LRP1B: variants seen among roughly 807,000 people sequenced by gnomAD.
LRP1B encodes LDL receptor related protein 1B, also known as low-density lipoprotein receptor-related protein 1B.
LRP1B carries 217 observed loss-of-function variants against 556.6 expected under a neutral mutation model. That is an observed-to-expected ratio of 0.39 (90% CI 0.35 to 0.44). The LOEUF (loss-of-function observed/expected upper bound fraction) is 0.44. Ranked by LOEUF, LRP1B falls within the 20% of genes least tolerant of loss-of-function variation. LRP1B has a pLI of 1.00. For synonymous variants in LRP1B, 2,047 were observed against 1,865.8 expected (o/e 1.10, Z -2.50); for missense variants, 5,053 against 5,620.8 (o/e 0.90, Z 3.23).
intron 2 of LRP1B, among the ~76,000 whole-genome samples, chr2:141,717,299 T>C (rs184562921): frequency 1.1e-4 from 16 of 152,332 alleles, no homozygotes; most frequent in African/African-American, 3.1e-4. Context: ...AAGTCAAATG[T>C]GATGGGTAAT....
chr2:141,026,629 C>T (rs1003292906), intron 11 of LRP1B, among the ~76,000 whole-genome samples: 1 of 152,056 alleles, frequency 6.6e-6, no homozygotes, highest in East Asian at 1.9e-4. Context: ...AAAGGCTAGA[C>T]AAATGCCTGT....
intron 43 of LRP1B, among the ~76,000 whole-genome samples, chr2:140,544,146 G>A (rs1032873736): frequency 2.6e-4 from 39 of 151,472 alleles, no homozygotes; most frequent in African/African-American, 9.4e-4. Flanking sequence ...TAAGTTCAGG[G>A]GTATATGTGC....
chr2:141,235,841 A>G (rs1175335960), intron 5 of LRP1B, among the ~76,000 whole-genome samples: 1 of 152,156 alleles, frequency 6.6e-6, no homozygotes. Flanking sequence ...TAATATAGCT[A>G]TTAAGTGAAA....
intron 84 of LRP1B, among the ~76,000 whole-genome samples, chr2:140,280,863 C>T (rs925665598): frequency 6.6e-6 from 1 of 151,640 alleles, no homozygotes; most frequent in Non-Finnish European, 1.5e-5. Context: ...GTAGAGTGAA[C>T]CATGAACTTA....
chr2:140,898,640 A>T, intron 23 of LRP1B: 1 of 393,000 alleles, frequency 2.5e-6, no homozygotes, highest in South Asian at 1.9e-5. Flanking sequence ...AACAACATAA[A>T]CTGGTCTGCC....
At chr2:141,477,309 A>AAG (rs1553519617) in intron 3 of LRP1B, among the ~76,000 whole-genome samples, 1 of 151,836 alleles carries the variant, frequency 6.6e-6, no homozygotes, top group East Asian at 1.9e-4. Context: ...AAAAAAAAAA[A>AAG]AAAGAAAGAA....
chr2:140,449,636 G>A lies in LRP1B; in HGVS notation c.10057+932C>T, dbSNP rs533981379. 3.9e-5 allele frequency among the ~76,000 whole-genome samples: 6 copies of A among 152,220 alleles called. No homozygotes were observed. The South Asian group carries it at 1.2e-3, about 32-fold the overall frequency. On this transcript the variant is annotated intron_variant, in intron 63 of 90. Transcript: ENST00000389484. ...TGTGAAACAACTTCAGTATGTGAGA[G>A]ACTTGGGCATGACCAGAGAGATGGA...
intron 43 of LRP1B, among the ~76,000 whole-genome samples, chr2:140,572,048 A>T (rs954687083): frequency 6.6e-6 from 1 of 151,756 alleles, no homozygotes; most frequent in Non-Finnish European, 1.5e-5. Context: ...CTAAAAGAAA[A>T]CATAAAGGAA....
At chr2:140,998,542 C>G (rs745952697) in intron 15 of LRP1B, among the ~76,000 whole-genome samples, 93 of 152,016 alleles carry the variant, frequency 6.1e-4, no homozygotes, top group Non-Finnish European at 8.5e-4. Flanking sequence ...TACTATGCTA[C>G]AACTGACATC....
intron 2 of LRP1B, among the ~76,000 whole-genome samples, chr2:141,494,312 T>G (rs1177245860): frequency 6.6e-6 from 1 of 152,164 alleles, no homozygotes; most frequent in Non-Finnish European, 1.5e-5. Flanking sequence ...GGCAAGTTAG[T>G]ACCTTTGAAG....
At chr2:141,089,871 G>A (rs1700134842) in intron 7 of LRP1B, among the ~76,000 whole-genome samples, 1 of 152,176 alleles carries the variant, frequency 6.6e-6, no homozygotes, top group Non-Finnish European at 1.5e-5. Flanking sequence ...TTGGGTCAAT[G>A]TTCACCAAAG....
chr2:140,327,645 A>G (rs1680559929), intron 79 of LRP1B, among the ~76,000 whole-genome samples: 1 of 152,090 alleles, frequency 6.6e-6, no homozygotes, highest in Admixed American at 6.6e-5. Flanking sequence ...TAGCTAAAAC[A>G]AAAACCTGTT....
At chr2:141,739,307 C>G (rs1693610035) in intron 2 of LRP1B, among the ~76,000 whole-genome samples, 1 of 152,062 alleles carries the variant, frequency 6.6e-6, no homozygotes, top group African/African-American at 2.4e-5. Context: ...TTTCATTAAA[C>G]AAAACCTCAA....
chr2:141,996,746 G>A (rs1574574835), intron 1 of LRP1B, among the ~76,000 whole-genome samples: 1 of 142,828 alleles, frequency 7.0e-6, no homozygotes, highest in East Asian at 2.1e-4. Context: ...CACAAAGTAA[G>A]AAAAAATAGT....
chr2:140,464,629 G>T (rs183988377), intron 60 of LRP1B, among the ~76,000 whole-genome samples: 3 of 152,312 alleles, frequency 2.0e-5, no homozygotes, highest in Non-Finnish European at 4.4e-5. Context: ...ATTGCTTCAT[G>T]CACTTGGTAA....
At chr2:140,903,414 G>A (rs889768424) in intron 22 of LRP1B, among the ~76,000 whole-genome samples, 8 of 152,062 alleles carry the variant, frequency 5.3e-5, no homozygotes, top group African/African-American at 1.9e-4. Context: ...ATAAAACTTG[G>A]GAGTATAGTT....
intron 3 of LRP1B, among the ~76,000 whole-genome samples, chr2:141,429,929 G>A (rs58073335): frequency 6.6e-6 from 1 of 152,142 alleles, no homozygotes; most frequent in Admixed American, 6.6e-5. Flanking sequence ...AGGAACATAA[G>A]AATATCAATG....
chr2:140,236,847 G>T (rs942850219), intron 89 of LRP1B, among the ~76,000 whole-genome samples: 1 of 150,862 alleles, frequency 6.6e-6, no homozygotes, highest in Non-Finnish European at 1.5e-5. Context: ...ACACTAAGCT[G>T]TGTATCTAGA....
chr2:141,905,802 T>TGTGTGTGTGTGG, intron 1 of LRP1B, among the ~76,000 whole-genome samples: 1 of 149,422 alleles, frequency 6.7e-6, no homozygotes, highest in Non-Finnish European at 1.5e-5. Flanking sequence ...TGTGTGTGTG[T>TGTGTGTGTGTGG]GTGGCTAGGT....
Sources: gnomAD v4.1 joint callset for allele counts (sites outside exome capture counted in the v4.1 genomes callset) on GRCh38, gnomAD v4.1.1 for gene constraint, MANE v1.5 for transcripts, NCBI Gene and HGNC (gene_info 2026-07-23, HGNC 2026-07-21) for gene names.